The following NOMO3 variants were observed in gnomAD, a reference collection of about 807,000 sequenced individuals.
NOMO3 encodes BOS complex subunit NOMO3.
Under a neutral mutation model 69.9 loss-of-function variants are expected in NOMO3, and 15 were observed. The ratio of observed to expected loss-of-function variants is 0.21; its 90% CI spans 0.14 to 0.33. NOMO3 has a LOEUF of 0.33. Among genes scored for constraint, NOMO3 ranks in the 10% least tolerant of loss-of-function variants. The probability of loss-of-function intolerance (pLI) is 1.00; values close to 1 mark genes in which losing one functional copy is unlikely to be tolerated. For synonymous variants in NOMO3, 89 were observed against 301.9 expected (o/e 0.29, Z 7.31); for missense variants, 218 against 761.0 (o/e 0.29, Z 8.39).
chr16:16,238,936 G>A (rs113709775), intron 2 of NOMO3, among the ~76,000 whole-genome samples: 3 of 135,204 alleles, frequency 2.2e-5, no homozygotes, highest in African/African-American at 3.3e-5. Flanking sequence ...AAAATTAGCC[G>A]GGTGTCACGT....
chr16:16,269,138 G>T (rs1319916909), intron 16 of NOMO3, among the ~76,000 whole-genome samples: 2 of 144,146 alleles, frequency 1.4e-5, no homozygotes, highest in African/African-American at 5.7e-5. Context: ...TTACCCATCA[G>T]TTCAGTATTG....
At chr16:16,259,441 C>A (rs1433056147) in intron 11 of NOMO3, among the ~76,000 whole-genome samples, 1 of 139,494 alleles carries the variant, frequency 7.2e-6, no homozygotes, top group Non-Finnish European at 1.5e-5. Context: ...CTCCGCCTCT[C>A]GGGTTCAAGT....
chr16:16,255,746 C>T lies in NOMO3; in HGVS notation c.990C>T (p.Ser330=), dbSNP rs758913896. ...CCGTGTTCCACGTCATGGGATTCTCCGTCACCGGGAGGGTCTTGAACGGAC... is the reference window on the plus strand; with the variant it reads ...CCGTGTTCCACGTCATGGGATTCTCTGTCACCGGGAGGGTCTTGAACGGAC... The part of the protein sequence containing the change: ...IEPVFHVMGF[S]VTGRVLNGPE... Residue 330 remains serine, a synonymous_variant, in exon 10 of 31, where the codon TCC becomes TCT. Transcript: ENST00000399336. 3.0e-5 allele frequency: 48 copies of T among 1,588,620 alleles called. 5 individuals carry two copies. In the South Asian group the frequency reaches 3.4e-4, roughly 11 times the overall value.
At chr16:16,237,305 G>A (rs1170725680) in intron 2 of NOMO3, among the ~76,000 whole-genome samples, 1 of 144,168 alleles carries the variant, frequency 6.9e-6, no homozygotes. Context: ...TGCTGCCTAC[G>A]ACAGCCCAGA....
At chr16:16,234,728 A>G (rs1378679918) in intron 1 of NOMO3, among the ~76,000 whole-genome samples, 25 of 150,328 alleles carry the variant, frequency 1.7e-4, no homozygotes. Flanking sequence ...CCTTGTCCCC[A>G]GTGTGGATAT....
Position 16,256,157 on chromosome 16 carries a change from G to T in NOMO3, c.1219G>T (p.Gly407Trp), listed in dbSNP as rs2141255404. 6.3e-7 allele frequency: 1 copy of T among 1,588,036 alleles called. No homozygotes were observed. The highest frequency in any genetic ancestry group is 1.1e-5 in the South Asian group (1 of 89,330). ...TCAGCTGGCTGACATTGTTGCAACA[G>T]GGTAAGCTTATCGTGTGGATTTGGA... Reference protein sequence around the residue: ...TPQLADIVATGFSVCGQISII... With the variant: ...TPQLADIVATWFSVCGQISII... The change falls in exon 11 of 31, where the codon GGG (glycine) becomes TGG (tryptophan). Residue 407 changes from glycine to tryptophan, a missense_variant and splice_region_variant. Transcript: ENST00000399336.
intron 3 of NOMO3, among the ~76,000 whole-genome samples, chr16:16,240,841 G>A (rs570883611): frequency 7.0e-6 from 1 of 143,010 alleles, no homozygotes; most frequent in East Asian, 2.2e-4. Flanking sequence ...AGCTAATTTG[G>A]CTCTGTGAGA....
At position 16,263,497 on chromosome 16, in the gene NOMO3, C is replaced by T. The variant is rs1219623830; in HGVS notation, c.1538-16C>T. 3 of 1,133,910 alleles carry T rather than the reference C, an allele frequency of 2.6e-6. No homozygotes were observed. The highest frequency in any genetic ancestry group is 4.7e-5 in the African/African-American group (2 of 42,576). The allele number at this position is 1,133,910 out of a possible 1,614,324, so 70.2% of individuals were successfully genotyped here. ...TATAAGGGGTCACATGGAGCCCTCC[C>T]TTCTTTTCCCTGCAGACACCTGTGG... On this transcript the variant is annotated splice_polypyrimidine_tract_variant and intron_variant, in intron 13 of 30. Coordinates refer to ENST00000399336, the MANE Select transcript of NOMO3 (RefSeq NM_001004067.4).
At position 16,250,231 on chromosome 16, in the gene NOMO3, G is replaced by A. The variant is rs1480377120; in HGVS notation, c.583-697G>A. Among the ~76,000 whole-genome samples, 3 of 145,040 alleles carry A rather than the reference G, an allele frequency of 2.1e-5. 1 individual carries two copies. The highest frequency in any genetic ancestry group is 4.4e-5 in the Non-Finnish European group (3 of 67,708). On this transcript the variant is annotated intron_variant, in intron 6 of 30. Coordinates refer to ENST00000399336, the MANE Select transcript of NOMO3 (RefSeq NM_001004067.4). ...TGAATTGGGTGAGACTTGGCAACAC[G>A]TAAGAGAAACCTTTAGGCCAAACTT... is the stretch of plus-strand genomic sequence containing the variant.
intron 15 of NOMO3, among the ~76,000 whole-genome samples, chr16:16,266,022 G>A (rs1486944429): frequency 6.9e-6 from 1 of 144,766 alleles, no homozygotes; most frequent in Non-Finnish European, 1.5e-5. Flanking sequence ...TCCAGTGCAG[G>A]GGAAGAAGCT....
chr16:16,238,275 C>A lies in NOMO3; in HGVS notation c.255+1285C>A, dbSNP rs2049346173. Among the ~76,000 whole-genome samples, 2 of 137,734 alleles carry A rather than the reference C, an allele frequency of 1.5e-5. 1 individual carries two copies. The highest frequency in any genetic ancestry group is 4.9e-4 in the East Asian group (2 of 4,068). 90.4% of individuals were successfully genotyped at this position (137,734 alleles called of 152,430 possible). On this transcript the variant is annotated intron_variant, in intron 2 of 30. Coordinates refer to ENST00000399336, the MANE Select transcript of NOMO3 (RefSeq NM_001004067.4). Reference sequence around the variant, plus strand: ...TGAGACAGAGTCTCACTCTGTCAGCCAGGCTGGAGTGCAGTGGCGCGATCT... The same window carrying A: ...TGAGACAGAGTCTCACTCTGTCAGCAAGGCTGGAGTGCAGTGGCGCGATCT...
rs916464441 is a variant in NOMO3 at position 16,254,365 on chromosome 16, C to A, written c.964-1355C>A. Among the ~76,000 whole-genome samples the A allele has an allele frequency of 3.7e-4, 53 of 142,572 alleles. 4 individuals are homozygous for A. The highest frequency in any genetic ancestry group is 3.5e-3 in the Middle Eastern group (1 of 288). 93.5% of individuals were successfully genotyped at this position (142,572 alleles called of 152,430 possible). On this transcript the variant is annotated intron_variant, in intron 9 of 30. Transcript: ENST00000399336. Reference sequence around the variant, plus strand: ...AGGTGCCCAGCAAAAATATTTGTTGCGTACATATGTGAATTAATAAGTAGG... The same window carrying A: ...AGGTGCCCAGCAAAAATATTTGTTGAGTACATATGTGAATTAATAAGTAGG...
At chr16:16,244,067 G>A (rs2049396275) in intron 4 of NOMO3, among the ~76,000 whole-genome samples, 1 of 143,646 alleles carries the variant, frequency 7.0e-6, no homozygotes, top group African/African-American at 2.8e-5. Context: ...CCCAGCTCCC[G>A]TGATTCAGAT....
chr16:16,248,153 T>A (rs74659260), intron 6 of NOMO3, among the ~76,000 whole-genome samples: 1 of 16,386 alleles, frequency 6.1e-5, no homozygotes, highest in Non-Finnish European at 9.8e-5. Flanking sequence ...GTGGCATGAT[T>A]TTGGCTTATT....
chr16:16,260,400 C>T lies in NOMO3; in HGVS notation c.1221-1102C>T, dbSNP rs421338. ...TCTCGGCTTGCAGTTCATACACAAA[C>T]GGGAGGGGGGTCCTTGGGTGGTAGT... is the stretch of plus-strand genomic sequence containing the variant. On this transcript the variant is annotated intron_variant, in intron 11 of 30. Coordinates refer to ENST00000399336, the MANE Select transcript of NOMO3 (RefSeq NM_001004067.4). Among the ~76,000 whole-genome samples the T allele has an allele frequency of 1.5e-3, 216 of 140,032 alleles. 2 individuals carry two copies. The highest frequency in any genetic ancestry group is 4.9e-3 in the Admixed American group (71 of 14,416). The allele number at this position is 140,032 out of a possible 152,430, so 91.9% of individuals were successfully genotyped here.
In NOMO3 at chr16:16,252,677, CT is replaced by C. The variant is rs2141253304; in HGVS notation, c.963+157del. On this transcript the variant is annotated intron_variant, in intron 9 of 30. Coordinates refer to ENST00000399336, the MANE Select transcript of NOMO3 (RefSeq NM_001004067.4). ...GTATTATATTCTTACCCATGATGTCCTTATCGTAGAGAGCTGGATTCCTAGT... is the reference window on the plus strand; with the variant it reads ...GTATTATATTCTTACCCATGATGTCCTATCGTAGAGAGCTGGATTCCTAGT... Among the ~76,000 whole-genome samples, 2 of 91,766 alleles carry C rather than the reference CT, an allele frequency of 2.2e-5. 1 individual carries two copies. The highest frequency in any genetic ancestry group is 1.3e-4 in the African/African-American group (2 of 15,420). The allele number at this position is 91,766 out of a possible 152,430, so 60.2% of individuals were successfully genotyped here.
chr16:16,234,306 C>G (rs2141244220), intron 1 of NOMO3, among the ~76,000 whole-genome samples: 1 of 146,850 alleles, frequency 6.8e-6, no homozygotes, highest in African/African-American at 2.6e-5. Context: ...TCCAGGGGTT[C>G]TGGAAGGAAG....
At chr16:16,258,095 C>T (rs1186906475) in intron 11 of NOMO3, among the ~76,000 whole-genome samples, 1 of 142,284 alleles carries the variant, frequency 7.0e-6, no homozygotes, top group Non-Finnish European at 1.5e-5. Flanking sequence ...GTGGGCGGAT[C>T]GCTTGAGCCC....
intron 20 of NOMO3, 137 bp downstream of exon 20, chr16:16,274,212 T>C (rs2049678470): frequency 1.0e-6 from 1 of 995,174 alleles, no homozygotes; most frequent in Non-Finnish European, 1.5e-6. Context: ...CACACAGATG[T>C]TACTGTTGGT....
Sources: allele counts gnomAD v4.1 joint callset (sites outside exome capture counted in the v4.1 genomes callset), GRCh38; gene constraint gnomAD v4.1.1; transcripts MANE v1.5; gene names NCBI Gene and HGNC (gene_info 2026-07-23, HGNC 2026-07-21).